Variants in MACROD2 observed in about 807,000 individuals in gnomAD.
MACROD2 encodes ADP-ribose glycohydrolase MACROD2.
In MACROD2, 36 loss-of-function variants were observed where a neutral mutation model predicts 70.4. That is an observed-to-expected ratio of 0.51 (90% CI 0.39 to 0.68). MACROD2 has a LOEUF of 0.68. Ranked by LOEUF, MACROD2 falls within the 30% of genes least tolerant of loss-of-function variation. The probability of loss-of-function intolerance (pLI) is 0.00; values close to 1 mark genes in which losing one functional copy is unlikely to be tolerated. For missense variants in MACROD2, 496 were observed against 538.4 expected (o/e 0.92, Z 0.78); for synonymous variants, 172 against 178.8 (o/e 0.96, Z 0.30).
Position 14,618,546 on chromosome 20 carries a change from G to A in MACROD2, c.302-66297G>A, listed in dbSNP as rs552242306. The stretch of plus-strand genomic sequence containing the variant: ...CTCAATCTGTGTTAGCTGCTATCTC[G>A]GGAATGGGCAGTCAGTGGCATGTGG... On this transcript the variant is annotated intron_variant, in intron 4 of 17. Transcript: ENST00000684519. Among the ~76,000 whole-genome samples the A allele has an allele frequency of 7.2e-5, 11 of 152,226 alleles. No individual in the cohort carries two copies. The East Asian group carries it at 7.7e-4, about 11-fold the overall frequency.
intron 5 of MACROD2, among the ~76,000 whole-genome samples, chr20:14,765,814 C>T (rs375101203): frequency 1.3e-5 from 2 of 152,070 alleles, no homozygotes; most frequent in African/African-American, 4.8e-5. Flanking sequence ...GTCACTATTG[C>T]GTGGAGGCTC....
chr20:15,194,223 G>C (rs186812357), intron 5 of MACROD2, among the ~76,000 whole-genome samples: 31 of 120,988 alleles, frequency 2.6e-4, no homozygotes, highest in African/African-American at 9.7e-4. Flanking sequence ...TTCAGCCTGG[G>C]TGACAGAGCG....
intron 4 of MACROD2, among the ~76,000 whole-genome samples, chr20:14,646,013 A>T (rs927742266): frequency 1.3e-5 from 2 of 150,916 alleles, no homozygotes; most frequent in African/African-American, 4.9e-5. Context: ...TATATAAGTT[A>T]TAAGAAATAA....
At chr20:15,288,442 G>A (rs1008187357) in intron 6 of MACROD2, among the ~76,000 whole-genome samples, 4 of 152,130 alleles carry the variant, frequency 2.6e-5, no homozygotes, top group Admixed American at 6.6e-5. Flanking sequence ...TTGGTAGAAC[G>A]TTATTTCTAG....
At chr20:14,676,001 T>C (rs1407911806) in intron 4 of MACROD2, among the ~76,000 whole-genome samples, 2 of 152,072 alleles carry the variant, frequency 1.3e-5, no homozygotes, top group African/African-American at 4.8e-5. Flanking sequence ...GAGCTAACTA[T>C]CCTAAATATA....
intron 8 of MACROD2, among the ~76,000 whole-genome samples, chr20:15,629,391 T>G (rs1383362218): frequency 1.3e-5 from 2 of 152,226 alleles, no homozygotes; most frequent in Non-Finnish European, 2.9e-5. Context: ...TAACTCTCTA[T>G]GCCTTCCCAA....
chr20:14,551,420 G>T (rs1275753506), intron 4 of MACROD2, among the ~76,000 whole-genome samples: 1 of 152,162 alleles, frequency 6.6e-6, no homozygotes, highest in Non-Finnish European at 1.5e-5. Context: ...CTCTTGTAAT[G>T]GAATCAGATG....
At chr20:14,746,655 G>A (rs952429956) in intron 5 of MACROD2, among the ~76,000 whole-genome samples, 1 of 152,008 alleles carries the variant, frequency 6.6e-6, no homozygotes, top group African/African-American at 2.4e-5. Flanking sequence ...GTAAAATAAT[G>A]AATCAAATTT....
At chr20:15,219,744 G>GAGAGATATAT (rs1213572924) in intron 5 of MACROD2, among the ~76,000 whole-genome samples, 1 of 152,102 alleles carries the variant, frequency 6.6e-6, no homozygotes, top group Non-Finnish European at 1.5e-5. Flanking sequence ...TGGAGAGGTG[G>GAGAGATATAT]ATTCATTATA....
At chr20:15,830,217 G>A (rs192861295) in intron 8 of MACROD2, among the ~76,000 whole-genome samples, 15 of 152,248 alleles carry the variant, frequency 9.9e-5, no homozygotes, top group East Asian at 1.9e-4. Context: ...TCAATAAAAC[G>A]TTCCCAAATC....
chr20:15,722,931 T>C (rs1278849739), intron 8 of MACROD2, among the ~76,000 whole-genome samples: 3 of 152,172 alleles, frequency 2.0e-5, no homozygotes, highest in Non-Finnish European at 2.9e-5. Flanking sequence ...TTATTTCTTT[T>C]CTATATTAAT....
At position 15,107,055 on chromosome 20, in the gene MACROD2, T is replaced by C. The variant is rs139858191; in HGVS notation, c.419-122885T>C. Among the ~76,000 whole-genome samples, 262 of 118,674 alleles carry C rather than the reference T, an allele frequency of 2.2e-3. 6 individuals are homozygous for C. Among genetic ancestry groups the C allele is most frequent in the African/African-American group, 9.0e-3 (241 of 26,692 alleles). 77.9% of individuals were successfully genotyped at this position (118,674 alleles called of 152,430 possible). A position where few individuals can be genotyped will look rare whatever the true frequency, so the allele number is the denominator to read the frequency against. On this transcript the variant is annotated intron_variant, in intron 5 of 17. Transcript: ENST00000684519. Reference sequence around the variant, plus strand: ...ATACCTTTATGTATATAGATTGTTCTGTAATTCATAACATTTAAGGCTTTT... The same window carrying C: ...ATACCTTTATGTATATAGATTGTTCCGTAATTCATAACATTTAAGGCTTTT...
At chr20:14,866,882 T>C (rs1283117633) in intron 5 of MACROD2, among the ~76,000 whole-genome samples, 5 of 152,148 alleles carry the variant, frequency 3.3e-5, no homozygotes, top group African/African-American at 1.2e-4. Context: ...AATGCAACCT[T>C]GTCAAGAAGA....
chr20:15,454,406 A>AACACAAACACAC (rs1271722958), intron 7 of MACROD2, among the ~76,000 whole-genome samples: 54 of 137,532 alleles, frequency 3.9e-4, no homozygotes, highest in African/African-American at 1.4e-3. Context: ...GACATATTCA[A>AACACAAACACAC]ACACACACAC....
intron 5 of MACROD2, among the ~76,000 whole-genome samples, chr20:14,832,889 T>C (rs937151924): frequency 1.3e-5 from 2 of 152,074 alleles, no homozygotes; most frequent in Admixed American, 6.6e-5. Context: ...GGGTTACCAC[T>C]GTGGGCAACT....
intron 4 of MACROD2, among the ~76,000 whole-genome samples, chr20:14,559,250 ATTTACAC>A (rs1568670201): frequency 6.6e-6 from 1 of 151,772 alleles, no homozygotes; most frequent in Non-Finnish European, 1.5e-5. Flanking sequence ...TGTTCTTTGA[ATTTACAC>A]TTTTTAAGGG....
chr20:14,137,250 G>A (rs547026216), intron 3 of MACROD2, among the ~76,000 whole-genome samples: 242 of 152,244 alleles, frequency 1.6e-3, no homozygotes, highest in Non-Finnish European at 2.6e-3. Flanking sequence ...TAGGTTATAT[G>A]TATTACATAC....
intron 4 of MACROD2, among the ~76,000 whole-genome samples, chr20:14,667,056 A>G (rs1034664098): frequency 2.6e-5 from 4 of 151,968 alleles, no homozygotes; most frequent in Non-Finnish European, 4.4e-5. Context: ...TGTTCTTCTT[A>G]TAGCAAAACT....
chr20:16,007,291 G>C (rs1055001769), intron 15 of MACROD2, among the ~76,000 whole-genome samples: 17 of 152,172 alleles, frequency 1.1e-4, no homozygotes, highest in African/African-American at 4.1e-4. Flanking sequence ...AATACGGTAG[G>C]CCTAAAGAAA....
Sources: gnomAD v4.1 joint callset for allele counts (sites outside exome capture counted in the v4.1 genomes callset) on GRCh38, gnomAD v4.1.1 for gene constraint, MANE v1.5 for transcripts, NCBI Gene and HGNC (gene_info 2026-07-23, HGNC 2026-07-21) for gene names.